Variants in FGD4 observed in about 807,000 individuals in gnomAD.
The protein encoded by FGD4 is FYVE, RhoGEF and PH domain containing 4, also known as FYVE, RhoGEF and PH domain-containing protein 4.
FGD4 carries 42 observed loss-of-function variants against 102.0 expected under a neutral mutation model. The ratio of observed to expected loss-of-function variants is 0.41; its 90% CI spans 0.32 to 0.53. The LOEUF is 0.53. Among genes scored for constraint, FGD4 ranks in the 20% least tolerant of loss-of-function variants. The pLI, the probability that FGD4 is intolerant of heterozygous loss-of-function variation, is 0.21. For missense variants in FGD4, 902 were observed against 1,078.2 expected (o/e 0.84, Z 2.29); for synonymous variants, 380 against 375.7 (o/e 1.01, Z -0.13).
intron 10 of FGD4, among the ~76,000 whole-genome samples, chr12:32,618,137 A>G (rs959773519): frequency 6.6e-6 from 1 of 152,254 alleles, no homozygotes; most frequent in Non-Finnish European, 1.5e-5. Context: ...ACTTATTTCT[A>G]TAAAACAGCA....
intron 11 of FGD4, among the ~76,000 whole-genome samples, chr12:32,623,086 G>GT (rs1220360523): frequency 6.6e-6 from 1 of 152,058 alleles, no homozygotes; most frequent in Admixed American, 6.5e-5. Context: ...CAAGACTGAA[G>GT]TACATTTGTG....
chr12:32,413,214 C>G (rs1204089448), intron 1 of FGD4, among the ~76,000 whole-genome samples: 1 of 151,850 alleles, frequency 6.6e-6, no homozygotes, highest in African/African-American at 2.4e-5. Flanking sequence ...ACCACCATAG[C>G]ACATGTATAC....
chr12:32,549,248 A>G (rs1943467119), intron 1 of FGD4, among the ~76,000 whole-genome samples: 1 of 152,214 alleles, frequency 6.6e-6, no homozygotes, highest in African/African-American at 2.4e-5. Flanking sequence ...GCCAGGAGTG[A>G]TGGGAGATGA....
At chr12:32,432,033 C>A (rs1207112299) in intron 1 of FGD4, among the ~76,000 whole-genome samples, 1 of 148,028 alleles carries the variant, frequency 6.8e-6, no homozygotes, top group Admixed American at 6.8e-5. Context: ...CACAGTGGCT[C>A]ATGCCTGTAA....
intron 1 of FGD4, among the ~76,000 whole-genome samples, chr12:32,545,226 A>G (rs374570671): frequency 5.9e-5 from 9 of 152,340 alleles, no homozygotes; most frequent in South Asian, 4.1e-4. Context: ...ATTATACCAT[A>G]TAACACTGTG....
intron 1 of FGD4, among the ~76,000 whole-genome samples, chr12:32,465,097 A>AC (rs1414986181): frequency 6.6e-6 from 1 of 152,176 alleles, no homozygotes; most frequent in Non-Finnish European, 1.5e-5. Flanking sequence ...AGTGTTAAAA[A>AC]ATGCAGTTGA....
In FGD4 at chr12:32,624,379, C is replaced by T. The variant is rs758954426; in HGVS notation, c.1923-43C>T. 1.5e-5 allele frequency: 21 copies of T among 1,440,782 alleles called. No homozygotes were observed. In the Admixed American group the frequency reaches 3.7e-4, roughly 25 times the overall value. 89.2% of individuals were successfully genotyped at this position (1,440,782 alleles called of 1,614,324 possible). A position where few individuals can be genotyped will look rare whatever the true frequency, so the allele number is the denominator to read the frequency against. On this transcript the variant is annotated intron_variant, in intron 11 of 16. Transcript: ENST00000534526. ...ATAGTTTTATTCACCCAGTGTGAAT[C>T]ATTAATATTATTTACATTCACTTTA...
intron 7 of FGD4, 51 bp downstream of exon 7, chr12:32,602,368 T>G (rs1434954772): frequency 6.2e-7 from 1 of 1,604,884 alleles, no homozygotes; most frequent in Non-Finnish European, 8.5e-7. Context: ...CCATACAAAT[T>G]ATACAGTCTT....
At chr12:32,402,414 GGAGA>G (rs147073939) in intron 1 of FGD4, among the ~76,000 whole-genome samples, 1 of 149,240 alleles carries the variant, frequency 6.7e-6, no homozygotes. Context: ...AGAGGGAGAG[GGAGA>G]GAGAGAGAGA....
chr12:32,515,494 C>G (rs1030361144), intron 1 of FGD4, among the ~76,000 whole-genome samples: 1 of 152,208 alleles, frequency 6.6e-6, no homozygotes, highest in African/African-American at 2.4e-5. Flanking sequence ...TTGAGAATCA[C>G]TAAGGAATTT....
chr12:32,612,168 C>T (rs1046055029), intron 10 of FGD4, among the ~76,000 whole-genome samples: 2 of 152,208 alleles, frequency 1.3e-5, no homozygotes, highest in Admixed American at 1.3e-4. Context: ...CCTGCATGTT[C>T]CCCAGTGCCA....
In FGD4 at chr12:32,614,287, CA is replaced by C. The variant is rs1222566432; in HGVS notation, c.1749+3006del. 4.7e-4 allele frequency among the ~76,000 whole-genome samples: 72 copies of C among 152,126 alleles called. 1 individual carries two copies. The highest frequency in any genetic ancestry group is 1.7e-3 in the African/African-American group (70 of 41,422). On this transcript the variant is annotated intron_variant, in intron 10 of 16. Coordinates refer to ENST00000534526, the MANE Select transcript of FGD4 (RefSeq NM_001370298.3). ...GCATCAAGCTTCTAAAGCATTTCTA[CA>C]ATAAATTGTAACAGGAGATGAAACA...
intron 1 of FGD4, among the ~76,000 whole-genome samples, chr12:32,470,906 A>G (rs758938259): frequency 6.6e-6 from 1 of 152,202 alleles, no homozygotes; most frequent in African/African-American, 2.4e-5. Context: ...ATGTCAGCTA[A>G]TGCTGACATG....
At chr12:32,599,532 A>ATTTTTT (rs1948203574) in intron 5 of FGD4, among the ~76,000 whole-genome samples, 3 of 47,706 alleles carry the variant, frequency 6.3e-5, no homozygotes, top group East Asian at 9.0e-4. Context: ...AAACTAAGGC[A>ATTTTTT]TCTTTTTTTT....
chr12:32,493,206 A>G (rs1532656), intron 1 of FGD4, among the ~76,000 whole-genome samples: 149,451 of 152,240 alleles, frequency 0.98, 73,419 homozygotes, highest in East Asian at 1. Flanking sequence ...AGGGAGATAC[A>G]GAAAAAAGGG....
At chr12:32,474,598 T>G (rs2136529439) in intron 1 of FGD4, among the ~76,000 whole-genome samples, 1 of 152,110 alleles carries the variant, frequency 6.6e-6, no homozygotes, top group South Asian at 2.1e-4. Flanking sequence ...TGGGGGAAGG[T>G]GATAGCTAAA....
chr12:32,607,308 G>A (rs935683312), intron 7 of FGD4, among the ~76,000 whole-genome samples: 4 of 152,140 alleles, frequency 2.6e-5, no homozygotes, highest in African/African-American at 7.2e-5. Flanking sequence ...ATGGTGGCAC[G>A]TGCCTATAGC....
chr12:32,563,207 G>A (rs557735724), intron 1 of FGD4, among the ~76,000 whole-genome samples: 2 of 152,120 alleles, frequency 1.3e-5, no homozygotes, highest in South Asian at 4.1e-4. Context: ...TCCCAGAGGG[G>A]GTGGCTGCCG....
At chr12:32,478,708 T>C (rs1003381023) in intron 1 of FGD4, among the ~76,000 whole-genome samples, 1 of 152,240 alleles carries the variant, frequency 6.6e-6, no homozygotes, top group African/African-American at 2.4e-5. Context: ...ACTTTGTGCT[T>C]CCTCCTTTTT....
Sources: allele counts gnomAD v4.1 joint callset (sites outside exome capture counted in the v4.1 genomes callset), GRCh38; gene constraint gnomAD v4.1.1; transcripts MANE v1.5; gene names NCBI Gene and HGNC (gene_info 2026-07-23, HGNC 2026-07-21).